The following CHSY3 variants were observed in gnomAD, a reference collection of about 807,000 sequenced individuals.
CHSY3 encodes the protein chondroitin sulfate synthase 3.
In CHSY3, 35 loss-of-function variants were observed where a neutral mutation model predicts 67.2. The observed-to-expected ratio is 0.52, with a 90% CI of 0.40 to 0.69. The LOEUF (loss-of-function observed/expected upper bound fraction) is 0.69, where lower values mean the gene tolerates loss of function less well. CHSY3 is among the 30% of genes least tolerant of loss of function. The pLI, the probability that CHSY3 is intolerant of heterozygous loss-of-function variation, is 0.00. For synonymous variants in CHSY3, 474 were observed against 434.7 expected (o/e 1.09, Z -1.12); for missense variants, 1,069 against 1,138.5 (o/e 0.94, Z 0.88).
At chr5:130,157,345 T>G (rs1190248589) in intron 2 of CHSY3, among the ~76,000 whole-genome samples, 1 of 152,220 alleles carries the variant, frequency 6.6e-6, no homozygotes, top group East Asian at 1.9e-4. Flanking sequence ...TTAATAGGAC[T>G]GCAATTCAGT....
chr5:130,132,465 A>T (rs1768512859), intron 2 of CHSY3, among the ~76,000 whole-genome samples: 1 of 152,170 alleles, frequency 6.6e-6, no homozygotes, highest in South Asian at 2.1e-4. Flanking sequence ...CACAATAACA[A>T]ATTATTGCAA....
At chr5:130,132,672 A>G (rs992940375) in intron 2 of CHSY3, among the ~76,000 whole-genome samples, 6 of 152,326 alleles carry the variant, frequency 3.9e-5, no homozygotes, top group Admixed American at 3.9e-4. Context: ...GGTTCTCAAC[A>G]GAGGGCAATT....
At chr5:130,007,772 T>G (rs1763917831) in intron 2 of CHSY3, among the ~76,000 whole-genome samples, 1 of 152,124 alleles carries the variant, frequency 6.6e-6, no homozygotes, top group Non-Finnish European at 1.5e-5. Context: ...GGCTTTGGTC[T>G]TTGTTGACTG....
At chr5:130,004,550 A>G (rs1763819130) in intron 2 of CHSY3, among the ~76,000 whole-genome samples, 1 of 152,176 alleles carries the variant, frequency 6.6e-6, no homozygotes, top group Non-Finnish European at 1.5e-5. Flanking sequence ...GATAGTATCT[A>G]CTAAATGAGG....
chr5:129,956,322 T>C (rs559513308), intron 2 of CHSY3, among the ~76,000 whole-genome samples: 1 of 152,208 alleles, frequency 6.6e-6, no homozygotes, highest in African/African-American at 2.4e-5. Context: ...TTGAGCTTTT[T>C]TTCATATGCT....
At chr5:130,116,869 T>TC (rs888174050) in intron 2 of CHSY3, among the ~76,000 whole-genome samples, 1 of 152,188 alleles carries the variant, frequency 6.6e-6, no homozygotes, top group African/African-American at 2.4e-5. Flanking sequence ...TTGTCTTTTT[T>TC]TTTTTTTGAG....
At chr5:130,101,454 C>T (rs925447145) in intron 2 of CHSY3, among the ~76,000 whole-genome samples, 5 of 151,894 alleles carry the variant, frequency 3.3e-5, no homozygotes, top group Admixed American at 1.3e-4. Flanking sequence ...TATTTTTCAA[C>T]GTATCCTGTT....
intron 2 of CHSY3, among the ~76,000 whole-genome samples, chr5:130,169,784 C>A (rs1167929514): frequency 6.6e-6 from 1 of 151,438 alleles, no homozygotes; most frequent in Non-Finnish European, 1.5e-5. Flanking sequence ...TGAAAGCGTT[C>A]AAAACTGGAA....
At chr5:130,118,016 G>C (rs1767873593) in intron 2 of CHSY3, among the ~76,000 whole-genome samples, 1 of 152,074 alleles carries the variant, frequency 6.6e-6, no homozygotes, top group Non-Finnish European at 1.5e-5. Context: ...AGATCTGGTT[G>C]TTTAAAAGAA....
chr5:129,979,199 CAAAAAAAAAAAAAA>C (rs58584381), intron 2 of CHSY3, among the ~76,000 whole-genome samples: 9 of 62,536 alleles, frequency 1.4e-4, no homozygotes, highest in Non-Finnish European at 2.6e-4. Flanking sequence ...GACTCCGTCT[CAAAAAAAAAAAAAA>C]AAAAAAAAAA....
chr5:130,039,259 C>G (rs981136176), intron 2 of CHSY3, among the ~76,000 whole-genome samples: 1 of 151,796 alleles, frequency 6.6e-6, no homozygotes, highest in Non-Finnish European at 1.5e-5. Context: ...GACCAAGGCA[C>G]GAGGATTGCT....
At chr5:129,975,384 G>A (rs188039545) in intron 2 of CHSY3, among the ~76,000 whole-genome samples, 25 of 152,020 alleles carry the variant, frequency 1.6e-4, no homozygotes, top group African/African-American at 3.9e-4. Context: ...ATGACTTATC[G>A]TTGACTTTCA....
chr5:130,128,229 G>GGTGTGTGTGT (rs112570550), intron 2 of CHSY3, among the ~76,000 whole-genome samples: 4,052 of 147,422 alleles, frequency 0.027, 189 homozygotes, highest in African/African-American at 0.095. Flanking sequence ...AAGAAAATGT[G>GGTGTGTGTGT]GTGTGTGTGT....
chr5:129,980,476 ATTG>A lies in CHSY3; in HGVS notation c.1086+72121_1086+72123del, dbSNP rs571168302. 9.2e-5 allele frequency among the ~76,000 whole-genome samples: 14 copies of A among 152,168 alleles called. No individual in the cohort carries two copies. The East Asian group carries it at 2.5e-3, about 27-fold the overall frequency. ...TTTGAATCAGGTTGTTTGTGTTCTT[ATTG>A]TTGTGTCTGAAGTGTTCTTTGTATA... is the stretch of plus-strand genomic sequence containing the variant. On this transcript the variant is annotated intron_variant, in intron 2 of 2. Coordinates refer to ENST00000305031, the MANE Select transcript of CHSY3 (RefSeq NM_175856.5).
chr5:130,112,380 A>G (rs1358731369), intron 2 of CHSY3, among the ~76,000 whole-genome samples: 2 of 152,096 alleles, frequency 1.3e-5, no homozygotes, highest in African/African-American at 2.4e-5. Flanking sequence ...TAGAAATGCA[A>G]ATTCTCAGAC....
chr5:129,946,775 G>A (rs1412811699), intron 2 of CHSY3, among the ~76,000 whole-genome samples: 1 of 152,032 alleles, frequency 6.6e-6, no homozygotes, highest in African/African-American at 2.4e-5. Context: ...CTTTTTTAAG[G>A]CTAAATAACA....
chr5:129,966,542 A>G (rs765707061), intron 2 of CHSY3, among the ~76,000 whole-genome samples: 2 of 151,858 alleles, frequency 1.3e-5, no homozygotes, highest in Non-Finnish European at 2.9e-5. Flanking sequence ...TTAATGAAAA[A>G]TAAGTAAATA....
chr5:130,114,417 C>T (rs1348253880), intron 2 of CHSY3: 1 of 152,076 alleles, frequency 6.6e-6, no homozygotes, highest in African/African-American at 2.4e-5. Flanking sequence ...ACGGCCATAC[C>T]ACCATGAACG....
intron 2 of CHSY3, among the ~76,000 whole-genome samples, chr5:129,958,882 A>C (rs186873001): frequency 1.4e-3 from 208 of 152,144 alleles, no homozygotes; most frequent in African/African-American, 4.7e-3. Context: ...TTTTTTAGAG[A>C]GAGATTATTT....
Sources: gnomAD v4.1 joint callset for allele counts (sites outside exome capture counted in the v4.1 genomes callset) on GRCh38, gnomAD v4.1.1 for gene constraint, MANE v1.5 for transcripts, NCBI Gene and HGNC (gene_info 2026-07-23, HGNC 2026-07-21) for gene names.